The following XRRA1 variants were observed in gnomAD, a reference collection of about 807,000 sequenced individuals.
XRRA1 encodes the protein X-ray radiation resistance associated 1, also known as X-ray radiation resistance-associated protein 1.
Under a neutral mutation model 80.2 loss-of-function variants are expected in XRRA1, and 69 were observed. The observed-to-expected ratio is 0.86, with a 90% CI of 0.71 to 1.05. XRRA1 has a LOEUF of 1.05. XRRA1 is among the 50% of genes least tolerant of loss of function. The pLI, the probability that XRRA1 is intolerant of heterozygous loss-of-function variation, is 0.00. For synonymous variants in XRRA1, 348 were observed against 389.9 expected, an observed-to-expected ratio of 0.89 and a Z score of 1.27; for missense variants, 967 against 976.4, an observed-to-expected ratio of 0.99 and a Z score of 0.13.
At chr11:74,908,906 A>G (rs187620321) in intron 8 of XRRA1, among the ~76,000 whole-genome samples, 130 of 152,326 alleles carry the variant, frequency 8.5e-4, no homozygotes, top group Non-Finnish European at 1.7e-3. Context: ...TGAGGTCTAG[A>G]AAGACACAGG....
At position 74,937,051 on chromosome 11, in the gene XRRA1, C is replaced by A. The variant is rs749832390; in HGVS notation, c.112G>T (p.Val38Leu). 1 of 1,613,806 alleles carries A rather than the reference C, an allele frequency of 6.2e-7. No homozygotes were observed. Among genetic ancestry groups the A allele is most frequent in the East Asian group, 2.2e-5 (1 of 44,876 alleles). ...TTCTTGAGGTTACCTTTCTGAACCA[C>A]TAACCAGTGTCCTTGGCCTGTTGAG... is the stretch of plus-strand genomic sequence containing the variant. The part of the protein sequence containing the change: ...VPEEGQGHWL[V>L]VQKGNLKKKP... The change falls in exon 4 of 19, where the codon GTG becomes TTG. Residue 38 changes from valine to leucine, a missense_variant. Physicochemically the swap from Val to Leu is conservative, Grantham distance 32. Transcript: ENST00000684022.
intron 12 of XRRA1, among the ~76,000 whole-genome samples, chr11:74,855,620 T>A (rs533627945): frequency 6.6e-6 from 1 of 152,252 alleles, no homozygotes; most frequent in African/African-American, 2.4e-5. Flanking sequence ...TTAAGGAGAG[T>A]GTAACAATCT....
rs1225240573 is a variant in XRRA1, at chr11:74,859,233, C to A, written c.1095G>T (p.Lys365Asn). The change falls in exon 12 of 19, where the codon AAG becomes AAT. Residue 365 changes from lysine to asparagine, a missense_variant. Coordinates refer to ENST00000684022, the MANE Select transcript of XRRA1 (RefSeq NM_001378157.1). ...LPPIFEILPVKSLKARNQTLA... is the reference protein window; with the variant it reads ...LPPIFEILPVNSLKARNQTLA... Reference sequence around the variant, plus strand: ...GCGTCTGGTTCCTGGCCTTCAGTGACTTCACAGGAAGGATCTCGAATATGG... The same window carrying A: ...GCGTCTGGTTCCTGGCCTTCAGTGAATTCACAGGAAGGATCTCGAATATGG... 6 of 1,610,610 alleles carry A rather than the reference C, an allele frequency of 3.7e-6. No individual in the cohort carries two copies. The highest frequency in any genetic ancestry group is 5.1e-6 in the Non-Finnish European group (6 of 1,178,718).
intron 10 of XRRA1, among the ~76,000 whole-genome samples, chr11:74,868,243 C>T (rs532040692): frequency 3.2e-4 from 49 of 152,204 alleles, no homozygotes; most frequent in African/African-American, 8.9e-4. Context: ...AAAAGAATTT[C>T]CAACCAAGAA....
At chr11:74,911,837 T>C (rs904754107) in intron 8 of XRRA1, among the ~76,000 whole-genome samples, 1 of 152,238 alleles carries the variant, frequency 6.6e-6, no homozygotes, top group Non-Finnish European at 1.5e-5. Flanking sequence ...CATATACTTA[T>C]CCTGTTGAAA....
At chr11:74,934,216 G>T (rs920120933) in intron 4 of XRRA1, among the ~76,000 whole-genome samples, 1 of 152,196 alleles carries the variant, frequency 6.6e-6, no homozygotes, top group African/African-American at 2.4e-5. Context: ...GTAAGTGACA[G>T]ATCTTACTAA....
chr11:74,917,531 C>A (rs1939112036), intron 8 of XRRA1, among the ~76,000 whole-genome samples: 1 of 152,136 alleles, frequency 6.6e-6, no homozygotes, highest in Admixed American at 6.5e-5. Context: ...TTCCCAGAAT[C>A]CTCTAGTGAA....
intron 10 of XRRA1, among the ~76,000 whole-genome samples, chr11:74,884,756 A>C (rs959314339): frequency 6.6e-6 from 1 of 152,200 alleles, no homozygotes; most frequent in African/African-American, 2.4e-5. Context: ...TCAATACCAG[A>C]ATCTCTGGGA....
At position 74,848,358 on chromosome 11, in the gene XRRA1, T is replaced by C; in HGVS notation, c.1485A>G (p.Ala495=). 1 of 1,613,936 alleles carries C rather than the reference T, an allele frequency of 6.2e-7. No individual in the cohort carries two copies. Among genetic ancestry groups the C allele is most frequent in the Non-Finnish European group, 8.5e-7 (1 of 1,179,868 alleles). Residue 495 remains alanine (A), a synonymous_variant, in exon 15 of 19, where the codon GCA becomes GCG. Transcript: ENST00000684022. ...TAGTGGGCAGATCTTCAGCCAGCTC[T>C]GCCTCTGGCTCTAGCATATCCTTTG... is the stretch of plus-strand genomic sequence containing the variant. ...SPSKDMLEPE[A]ELAEDLPTTK...
At position 74,842,170 on chromosome 11, in the gene XRRA1, G is replaced by T. The variant is rs1395592262; in HGVS notation, c.*1030C>A. ...GATTGGAGAAGGTACCTGGATCCTT[G>T]TGGACTGCCACTGCTGGCTGCCTCC... On this transcript the variant is annotated 3_prime_UTR_variant, in exon 19 of 19. Coordinates refer to ENST00000684022, the MANE Select transcript of XRRA1 (RefSeq NM_001378157.1). 1 of 152,196 alleles carries T rather than the reference G, an allele frequency of 6.6e-6. No homozygotes were observed. Among genetic ancestry groups the T allele is most frequent in the Non-Finnish European group, 1.5e-5 (1 of 68,048 alleles). The allele number at this position is 152,196 out of a possible 1,614,324, so 9.4% of individuals were successfully genotyped here. A position where few individuals can be genotyped will look rare whatever the true frequency, so the allele number is the denominator to read the frequency against.
At chr11:74,940,149 C>A (rs1946022946) in intron 3 of XRRA1, among the ~76,000 whole-genome samples, 2 of 152,122 alleles carry the variant, frequency 1.3e-5, no homozygotes, top group African/African-American at 4.8e-5. Flanking sequence ...TCCAGAGAAC[C>A]AATACTTAGT....
At position 74,936,867 on chromosome 11, in the gene XRRA1, GA is replaced by G; in HGVS notation, c.279+16del. The stretch of plus-strand genomic sequence containing the variant: ...CTAGCTGATGTGCTGGCCACTCCAG[GA>G]TGCATTTACTCTCACCAGAAAAGCC... On this transcript the variant is annotated intron_variant, in intron 4 of 18. Coordinates refer to ENST00000684022, the MANE Select transcript of XRRA1 (RefSeq NM_001378157.1). 1 of 1,610,008 alleles carries G rather than the reference GA, an allele frequency of 6.2e-7. No individual in the cohort carries two copies. Among genetic ancestry groups the G allele is most frequent in the Non-Finnish European group, 8.5e-7 (1 of 1,178,030 alleles).
chr11:74,927,382 C>G lies in XRRA1; in HGVS notation c.522+9G>C. 1 of 1,583,466 alleles carries G rather than the reference C, an allele frequency of 6.3e-7. No individual in the cohort carries two copies. Among genetic ancestry groups the G allele is most frequent in the African/African-American group, 1.3e-5 (1 of 74,326 alleles). ...GGTGGGCACCAAAAACTCCCTACCT[C>G]CAACTTACTTCTAATAACTTAAAGT... On this transcript the variant is annotated intron_variant, in intron 7 of 18. Transcript: ENST00000684022.
At chr11:74,927,233 C>A (rs1249292817) in intron 7 of XRRA1, among the ~76,000 whole-genome samples, 158 bp downstream of exon 7, 1 of 149,612 alleles carries the variant, frequency 6.7e-6, no homozygotes, top group Non-Finnish European at 1.5e-5. Flanking sequence ...ACCCTTACAA[C>A]CCCCACCCCC....
intron 5 of XRRA1, among the ~76,000 whole-genome samples, chr11:74,932,024 T>C (rs1316582259): frequency 1.3e-5 from 2 of 152,154 alleles, no homozygotes; most frequent in African/African-American, 4.8e-5. Context: ...GCCTTTCAAG[T>C]TCCTCTTCTG....
At chr11:74,935,896 G>A (rs953136726) in intron 4 of XRRA1, among the ~76,000 whole-genome samples, 3 of 152,144 alleles carry the variant, frequency 2.0e-5, no homozygotes, top group Admixed American at 6.5e-5. Flanking sequence ...AGAAAAAAAG[G>A]CCACTATGGG....
At chr11:74,869,325 G>C (rs1414843789) in intron 10 of XRRA1, among the ~76,000 whole-genome samples, 1 of 152,186 alleles carries the variant, frequency 6.6e-6, no homozygotes, top group Non-Finnish European at 1.5e-5. Flanking sequence ...ACTGATACAG[G>C]AGGTAGAAAG....
chr11:74,844,679 C>T (rs2037542843), intron 16 of XRRA1, among the ~76,000 whole-genome samples: 1 of 152,216 alleles, frequency 6.6e-6, no homozygotes, highest in African/African-American at 2.4e-5. Context: ...TCCTTTGCCT[C>T]CAACCAGATA....
intron 10 of XRRA1, chr11:74,876,641 C>G (rs1415866888): frequency 6.6e-6 from 1 of 152,174 alleles, no homozygotes; most frequent in Non-Finnish European, 1.5e-5. Flanking sequence ...CGATAAAAGT[C>G]ACAGGAATGG....
Sources: gnomAD v4.1 joint callset for allele counts (sites outside exome capture counted in the v4.1 genomes callset) on GRCh38, gnomAD v4.1.1 for gene constraint, MANE v1.5 for transcripts, NCBI Gene and HGNC (gene_info 2026-07-23, HGNC 2026-07-21) for gene names.